Variants in FAM228B observed in about 807,000 individuals in gnomAD.
The protein encoded by FAM228B is family with sequence similarity 228 member B.
In FAM228B, 38 loss-of-function variants were observed where a neutral mutation model predicts 42.6. The observed-to-expected ratio is 0.89, with a 90% CI of 0.69 to 1.17. The LOEUF (loss-of-function observed/expected upper bound fraction) is 1.17, where lower values mean the gene tolerates loss of function less well. FAM228B is among the 50% of genes most tolerant of loss of function. The pLI, the probability that FAM228B is intolerant of heterozygous loss-of-function variation, is 0.00. For synonymous variants in FAM228B, 109 were observed against 122.3 expected (o/e 0.89, Z 0.72); for missense variants, 344 against 367.3 (o/e 0.94, Z 0.52).
At chr2:24,128,998 C>T (rs1247599341) in intron 2 of FAM228B, among the ~76,000 whole-genome samples, 1 of 152,066 alleles carries the variant, frequency 6.6e-6, no homozygotes, top group Non-Finnish European at 1.5e-5. Flanking sequence ...GGATTGATTC[C>T]CTAATTCTTG....
chr2:24,160,795 G>A (rs1667267280), intron 7 of FAM228B, among the ~76,000 whole-genome samples: 1 of 152,194 alleles, frequency 6.6e-6, no homozygotes, highest in African/African-American at 2.4e-5. Flanking sequence ...CAAGATTGGA[G>A]GACTCTAAGA....
rs1002328807 is a variant in FAM228B at position 24,079,701 on chromosome 2, A to T, written c.-289-1175A>T. 6.6e-6 allele frequency: 10 copies of T among 1,510,270 alleles called. No homozygotes were observed. In the South Asian group the frequency reaches 1.2e-4, roughly 17 times the overall value. 93.6% of individuals were successfully genotyped at this position (1,510,270 alleles called of 1,614,324 possible). ...TTGGTGCTAAATAAGATACCATGGT[A>T]TATTTGGGGATTATGGATATAAATA... On this transcript the variant is annotated intron_variant, in intron 1 of 10. Transcript: ENST00000613899.
At chr2:24,122,992 G>T, upstream of FAM228B, 1 of 152,832 alleles carries the variant, frequency 6.5e-6, no homozygotes. Flanking sequence ...TTCCCTTCCC[G>T]GTGACCTGCA....
intron 2 of FAM228B, among the ~76,000 whole-genome samples, chr2:24,093,635 A>G (rs1389598990): frequency 1.6e-5 from 2 of 126,382 alleles, no homozygotes; most frequent in African/African-American, 5.5e-5. Flanking sequence ...TTTTTTTTTG[A>G]GACAGAATCT....
At chr2:24,120,703 G>A (rs1055266039), upstream of FAM228B, among the ~76,000 whole-genome samples, 2 of 151,804 alleles carry the variant, frequency 1.3e-5, no homozygotes, top group East Asian at 1.9e-4. Context: ...TTACAAGGGC[G>A]CACCACACCT....
At chr2:24,167,832 T>C (rs1667463081) in intron 10 of FAM228B, 149 bp downstream of exon 10, 1 of 894,420 alleles carries the variant, frequency 1.1e-6, no homozygotes, top group South Asian at 1.9e-5. Context: ...ATTAATTTTA[T>C]GATGATCTAT....
At chr2:24,102,571 C>T (rs920916802) in intron 3 of FAM228B, among the ~76,000 whole-genome samples, 1 of 152,104 alleles carries the variant, frequency 6.6e-6, no homozygotes, top group African/African-American at 2.4e-5. Context: ...AACCCTGTCT[C>T]TATTAGAAGT....
rs1214737138 is a variant in FAM228B, at chr2:24,133,414, A to G, written c.100-1705A>G. 2.6e-5 allele frequency among the ~76,000 whole-genome samples: 4 copies of G among 152,216 alleles called. No homozygotes were observed. The East Asian group carries it at 5.8e-4, about 22-fold the overall frequency. ...TGCTTCTAGTTGTTGCTTAGCTCCCATGAGCCTTGGCTTCTTTGGATGTTA... is the reference window on the plus strand; with the variant it reads ...TGCTTCTAGTTGTTGCTTAGCTCCCGTGAGCCTTGGCTTCTTTGGATGTTA... On this transcript the variant is annotated intron_variant, in intron 2 of 10. Transcript: ENST00000615575.
rs532842565 is a variant in FAM228B, at chr2:24,095,135, T to C, written c.-209-6T>C. On this transcript the variant is annotated splice_region_variant and splice_polypyrimidine_tract_variant and intron_variant, in intron 2 of 10. Coordinates refer to the FAM228B transcript ENST00000613899. The surrounding 1 kb of genome is among the most constrained non-coding windows in gnomAD (Gnocchi z 4.8). Reference sequence around the variant, plus strand: ...ACTAAGAAAGACCCAAACTCTTCTTTAACAGTTAAAAGTTTAACAACCGGA... The same window carrying C: ...ACTAAGAAAGACCCAAACTCTTCTTCAACAGTTAAAAGTTTAACAACCGGA... 1 of 152,236 alleles carries C rather than the reference T, an allele frequency of 6.6e-6. No homozygotes were observed. The highest frequency in any genetic ancestry group is 2.1e-4 in the South Asian group (1 of 4,830). 9.4% of individuals were successfully genotyped at this position (152,236 alleles called of 1,614,324 possible).
intron 3 of FAM228B, chr2:24,096,951 C>T (rs1665509710): frequency 6.6e-6 from 1 of 152,190 alleles, no homozygotes; most frequent in Admixed American, 6.5e-5. Context: ...AGAAACCCTA[C>T]AAGAAGAGAG....
At position 24,158,196 on chromosome 2, in the gene FAM228B, C is replaced by CTTTTTTTTT. The variant is rs1322122366; in HGVS notation, c.687-3301_687-3293dup. On this transcript the variant is annotated intron_variant, in intron 7 of 10. Transcript: ENST00000615575. ...ATGCTGGGCTTTCTCTCTGAACCTC[C>CTTTTTTTTT]TTTTTTTTTTTTTTTTTCCAAAACA... Among the ~76,000 whole-genome samples the CTTTTTTTTT allele has an allele frequency of 1.9e-4, 10 of 53,202 alleles. 2 individuals carry two copies. Among genetic ancestry groups the CTTTTTTTTT allele is most frequent in the Non-Finnish European group, 2.4e-4 (8 of 33,026 alleles). The allele number at this position is 53,202 out of a possible 152,430, so 34.9% of individuals were successfully genotyped here. A position where few individuals can be genotyped will look rare whatever the true frequency, so the allele number is the denominator to read the frequency against.
intron 5 of FAM228B, among the ~76,000 whole-genome samples, chr2:24,143,164 T>C (rs1666796450): frequency 6.6e-6 from 1 of 152,044 alleles, no homozygotes; most frequent in Non-Finnish European, 1.5e-5. Context: ...CTTTTTCTTT[T>C]CTTTTTTTTT....
intron 2 of FAM228B, among the ~76,000 whole-genome samples, chr2:24,133,921 C>T (rs1371555894): frequency 6.6e-6 from 1 of 152,044 alleles, no homozygotes; most frequent in African/African-American, 2.4e-5. Flanking sequence ...AAAATAAGTA[C>T]ATTAAAAATA....
intron 1 of FAM228B, chr2:24,078,813 T>C (rs932531714): frequency 6.6e-6 from 1 of 152,436 alleles, no homozygotes; most frequent in African/African-American, 2.4e-5. Context: ...CAAAACCCTA[T>C]GGTGGAAACA....
upstream of FAM228B, among the ~76,000 whole-genome samples, chr2:24,118,989 C>T (rs1356168842): frequency 3.9e-5 from 6 of 152,018 alleles, no homozygotes; most frequent in Admixed American, 6.6e-5. Flanking sequence ...CAACTCTCAC[C>T]GATATAATAC....
intron 7 of FAM228B, among the ~76,000 whole-genome samples, chr2:24,150,326 G>T (rs1449317560): frequency 6.6e-6 from 1 of 151,892 alleles, no homozygotes; most frequent in African/African-American, 2.4e-5. Context: ...GTCTGGAAAG[G>T]TCTTTATTTC....
chr2:24,163,870 A>C (rs901387215), intron 8 of FAM228B, among the ~76,000 whole-genome samples: 8 of 152,136 alleles, frequency 5.3e-5, no homozygotes, highest in African/African-American at 1.9e-4. Context: ...TTCTGGCAGC[A>C]GGGGTGGAGA....
intron 5 of FAM228B, among the ~76,000 whole-genome samples, chr2:24,146,297 G>T (rs1275846355): frequency 6.6e-6 from 1 of 152,116 alleles, no homozygotes; most frequent in Admixed American, 6.6e-5. Flanking sequence ...CATTAACATA[G>T]ATTCAGTGCT....
intron 2 of FAM228B, among the ~76,000 whole-genome samples, chr2:24,093,620 ATT>A (rs34596881): frequency 2.7e-3 from 394 of 145,740 alleles, no homozygotes; most frequent in African/African-American, 9.6e-3. Flanking sequence ...ATATGTGTGC[ATT>A]TTTTTTTTTT....
Sources: gnomAD v4.1 joint callset for allele counts (sites outside exome capture counted in the v4.1 genomes callset) on GRCh38, gnomAD v4.1.1 for gene constraint, Gnocchi (gnomAD v3.1) non-coding constraint, MANE v1.5 for transcripts, NCBI Gene and HGNC (gene_info 2026-07-23, HGNC 2026-07-21) for gene names.